Variants in TRERF1 observed in about 807,000 individuals in gnomAD.
TRERF1 encodes transcriptional regulating factor 1.
A neutral mutation model predicts 122.9 loss-of-function variants in TRERF1; 27 were observed. The observed-to-expected ratio is 0.22, with a 90% CI of 0.16 to 0.30. TRERF1 has a LOEUF of 0.30. Among genes scored for constraint, TRERF1 ranks in the 10% least tolerant of loss-of-function variants. The pLI is 1.00. For missense variants in TRERF1, 1,248 were observed against 1,560.3 expected (o/e 0.80, Z 3.37); for synonymous variants, 636 against 641.7 (o/e 0.99, Z 0.13).
In TRERF1 at chr6:42,309,197, G is replaced by A. The variant is rs557227731; in HGVS notation, c.-370-8448C>T. On this transcript the variant is annotated intron_variant, in intron 3 of 17. Coordinates refer to ENST00000372922, the Ensembl canonical transcript of TRERF1. ...TTGTGTAAACAATGCCTTTACTTTGGATGAATCCATAATGACTGATACTAT... is the reference window on the plus strand; with the variant it reads ...TTGTGTAAACAATGCCTTTACTTTGAATGAATCCATAATGACTGATACTAT... Among the ~76,000 whole-genome samples the A allele has an allele frequency of 3.3e-5, 5 of 152,268 alleles. No homozygotes were observed. In the South Asian group the frequency reaches 8.3e-4, roughly 25 times the overall value.
chr6:42,274,946 C>T (rs1780902423), intron 4 of TRERF1, among the ~76,000 whole-genome samples: 2 of 152,156 alleles, frequency 1.3e-5, no homozygotes, highest in Admixed American at 1.3e-4. Flanking sequence ...TGAAAAGTCT[C>T]CCTCCACCTT....
At chr6:42,319,620 G>A (rs1334957894) in intron 3 of TRERF1, among the ~76,000 whole-genome samples, 1 of 151,954 alleles carries the variant, frequency 6.6e-6, no homozygotes, top group African/African-American at 2.4e-5. Context: ...CCAGGAGTTC[G>A]AAACTAGGCT....
intron 4 of TRERF1, among the ~76,000 whole-genome samples, chr6:42,296,099 C>G (rs1785065316): frequency 1.3e-5 from 2 of 152,162 alleles, no homozygotes; most frequent in South Asian, 4.1e-4. Flanking sequence ...TGAGTCCACG[C>G]AGCCCCAGCC....
chr6:42,259,799 G>C lies in TRERF1; in HGVS notation c.1885-76C>G, dbSNP rs1268802881. ...CCATTTCCACAGGTTCAGGGAAGGG[G>C]GCCTTCTACTGTCTAAGCAGAGAGC... is the stretch of plus-strand genomic sequence containing the variant. On this transcript the variant is annotated intron_variant, in intron 8 of 17. Transcript: ENST00000372922. The surrounding 1 kb of genome is among the most constrained non-coding windows in gnomAD (Gnocchi z 4.9). 9 of 1,582,272 alleles carry C rather than the reference G, an allele frequency of 5.7e-6. No homozygotes were observed. In the African/African-American group the frequency reaches 6.7e-5, roughly 12 times the overall value.
chr6:42,242,002 G>A (rs1427152018), intron 15 of TRERF1, among the ~76,000 whole-genome samples: 1 of 152,190 alleles, frequency 6.6e-6, no homozygotes, highest in Non-Finnish European at 1.5e-5. Flanking sequence ...GGCTGAGGTG[G>A]GAGGATTGCT....
intron 3 of TRERF1, among the ~76,000 whole-genome samples, chr6:42,316,585 G>A (rs904588485): frequency 1.3e-5 from 2 of 152,194 alleles, no homozygotes; most frequent in Non-Finnish European, 2.9e-5. Context: ...AGCCTCACAA[G>A]CCAGCTGTCC....
rs144305564 is a variant in TRERF1, at chr6:42,370,297, T to C, written c.-453-7218A>G. On this transcript the variant is annotated intron_variant, in intron 2 of 17. Coordinates refer to ENST00000372922, the Ensembl canonical transcript of TRERF1. ...CAAAAAATTGTCTGGGAAGTATGCATGTCCAGGTTCTAAATGTAAACGATA... is the reference window on the plus strand; with the variant it reads ...CAAAAAATTGTCTGGGAAGTATGCACGTCCAGGTTCTAAATGTAAACGATA... 1.8e-4 allele frequency among the ~76,000 whole-genome samples: 27 copies of C among 152,380 alleles called. No homozygotes were observed. The East Asian group carries it at 3.5e-3, about 20-fold the overall frequency.
intron 4 of TRERF1, among the ~76,000 whole-genome samples, chr6:42,293,265 G>T (rs1034635400): frequency 1.3e-5 from 2 of 152,214 alleles, no homozygotes; most frequent in African/African-American, 4.8e-5. Context: ...GGCCCAGCAG[G>T]AGGTTTTATT....
intron 4 of TRERF1, among the ~76,000 whole-genome samples, chr6:42,287,303 A>AAAAAG (rs1783435967): frequency 6.6e-6 from 1 of 151,910 alleles, no homozygotes; most frequent in African/African-American, 2.4e-5. Flanking sequence ...AAAAAAAAAA[A>AAAAAG]AAAGAAAAGG....
In TRERF1 at chr6:42,442,633, T is replaced by G. The variant is rs1786730762; in HGVS notation, c.-454+8544A>C. 2.6e-5 allele frequency among the ~76,000 whole-genome samples: 4 copies of G among 152,330 alleles called. No homozygotes were observed. The South Asian group carries it at 8.3e-4, about 32-fold the overall frequency. ...CTTAAAGCTTTGTGCTCCAGAATAA[T>G]GGAGGCAAACAATTTAAGTTTTCAA... On this transcript the variant is annotated intron_variant, in intron 2 of 17. Transcript: ENST00000372922.
intron 3 of TRERF1, among the ~76,000 whole-genome samples, chr6:42,340,043 C>G (rs1039334408): frequency 6.6e-6 from 1 of 152,090 alleles, no homozygotes; most frequent in Non-Finnish European, 1.5e-5. Context: ...GTCTTTCCAC[C>G]CTGCACCCAC....
At chr6:42,321,617 T>C (rs1763479678) in intron 3 of TRERF1, among the ~76,000 whole-genome samples, 1 of 152,204 alleles carries the variant, frequency 6.6e-6, no homozygotes, top group South Asian at 2.1e-4. Flanking sequence ...TTGGAACACT[T>C]GCATATACTG....
rs116075668 is a variant in TRERF1 at position 42,369,042 on chromosome 6, G to A, written c.-453-5963C>T. Among the ~76,000 whole-genome samples, 522 of 152,266 alleles carry A rather than the reference G, an allele frequency of 3.4e-3. 2 individuals carry two copies. Among genetic ancestry groups the A allele is most frequent in the Middle Eastern group, 0.017 (5 of 294 alleles). On this transcript the variant is annotated intron_variant, in intron 2 of 17. Transcript: ENST00000372922. ...GCTCCCCAAGATTCTGACACATTCA[G>A]TCTGGAGTGGGGCTCTGACATCAAC... is the stretch of plus-strand genomic sequence containing the variant.
At chr6:42,416,275 T>C (rs546804600) in intron 2 of TRERF1, among the ~76,000 whole-genome samples, 1 of 152,310 alleles carries the variant, frequency 6.6e-6, no homozygotes, top group East Asian at 1.9e-4. Flanking sequence ...TATATAATTA[T>C]GGTGTTTAAT....
At chr6:42,329,666 G>C (rs1235985230) in intron 3 of TRERF1, among the ~76,000 whole-genome samples, 2 of 152,046 alleles carry the variant, frequency 1.3e-5, no homozygotes, top group African/African-American at 2.4e-5. Context: ...ACACTACACA[G>C]GAAAAAGACC....
intron 3 of TRERF1, among the ~76,000 whole-genome samples, chr6:42,339,481 C>T (rs553526163): frequency 9.2e-5 from 14 of 152,308 alleles, no homozygotes; most frequent in Admixed American, 8.5e-4. Context: ...CCTCAGGCAG[C>T]AACTACTTCT....
Position 42,259,740 on chromosome 6 carries a change from G to T in TRERF1, c.1885-17C>A. The stretch of plus-strand genomic sequence containing the variant: ...GGGGATTTCCTAAAACCGGAACAAC[G>T]ATCTGATTCGAATACTTCAGCTTCC... On this transcript the variant is annotated splice_polypyrimidine_tract_variant and intron_variant, in intron 8 of 17. Transcript: ENST00000372922. The surrounding 1 kb of genome is among the most constrained non-coding windows in gnomAD (Gnocchi z 4.9). 1 of 1,599,996 alleles carries T rather than the reference G, an allele frequency of 6.3e-7. No individual in the cohort carries two copies. Among genetic ancestry groups the T allele is most frequent in the Non-Finnish European group, 8.5e-7 (1 of 1,179,856 alleles).
At chr6:42,366,328 A>T (rs1772723170) in intron 2 of TRERF1, among the ~76,000 whole-genome samples, 1 of 152,234 alleles carries the variant, frequency 6.6e-6, no homozygotes, top group Non-Finnish European at 1.5e-5. Context: ...AACAATTCTG[A>T]TGCTCAGGTG....
intron 2 of TRERF1, among the ~76,000 whole-genome samples, chr6:42,364,428 C>A (rs886253542): frequency 6.6e-6 from 1 of 152,204 alleles, no homozygotes; most frequent in Admixed American, 6.5e-5. Flanking sequence ...TTCCCTTAGA[C>A]TGTAAATTCC....
Sources: gnomAD v4.1 joint callset for allele counts (sites outside exome capture counted in the v4.1 genomes callset) on GRCh38, gnomAD v4.1.1 for gene constraint, Gnocchi (gnomAD v3.1) non-coding constraint, MANE v1.5 for transcripts, NCBI Gene and HGNC (gene_info 2026-07-23, HGNC 2026-07-21) for gene names.